PTPRK: variants seen among roughly 807,000 people sequenced by gnomAD.
The protein encoded by PTPRK is protein tyrosine phosphatase receptor type K, also known as receptor-type tyrosine-protein phosphatase kappa.
A neutral mutation model predicts 178.0 loss-of-function variants in PTPRK; 75 were observed. The ratio of observed to expected loss-of-function variants is 0.42; its 90% confidence interval spans 0.35 to 0.51. The LOEUF (loss-of-function observed/expected upper bound fraction) is 0.51. PTPRK is among the 20% of genes least tolerant of loss of function. The pLI is 0.02. For missense variants in PTPRK, 1,441 were observed against 1,797.8 expected, an observed-to-expected ratio of 0.80 and a Z score of 3.59; for synonymous variants, 637 against 620.6, an observed-to-expected ratio of 1.03 and a Z score of -0.39.
intron 1 of PTPRK, among the ~76,000 whole-genome samples, chr6:128,429,697 C>T (rs545056746): frequency 3.4e-4 from 52 of 152,214 alleles, no homozygotes; most frequent in African/African-American, 1.2e-3. Flanking sequence ...TTTAAAGGGG[C>T]ATTTCTGTTT....
intron 6 of PTPRK, among the ~76,000 whole-genome samples, chr6:128,211,735 A>G (rs141254980): frequency 0.014 from 2,154 of 152,240 alleles, 20 homozygotes; most frequent in African/African-American, 0.03. Context: ...TAACTGCAAG[A>G]CTAAACACAA....
intron 1 of PTPRK, among the ~76,000 whole-genome samples, chr6:128,499,665 C>T (rs748659175): frequency 3.3e-5 from 5 of 152,164 alleles, no homozygotes; most frequent in Admixed American, 1.3e-4. Context: ...TAGTAACTTT[C>T]CCATATTTTT....
chr6:128,426,789 GT>G (rs1362237329), intron 1 of PTPRK, among the ~76,000 whole-genome samples: 2 of 151,958 alleles, frequency 1.3e-5, no homozygotes, highest in African/African-American at 2.4e-5. Flanking sequence ...GACTTACAAA[GT>G]TTTTTTTCTT....
At chr6:128,187,263 C>A (rs779052360) in intron 6 of PTPRK, among the ~76,000 whole-genome samples, 99 of 151,846 alleles carry the variant, frequency 6.5e-4, no homozygotes, top group Non-Finnish European at 1.2e-3. Context: ...ACATAAGAAA[C>A]AAGTGAAAGA....
At chr6:127,998,412 A>G (rs1777414582) in intron 16 of PTPRK, among the ~76,000 whole-genome samples, 1 of 152,088 alleles carries the variant, frequency 6.6e-6, no homozygotes, top group African/African-American at 2.4e-5. Flanking sequence ...GTGTATTGCT[A>G]CTTGATTTTT....
chr6:128,046,003 C>A (rs1777975313), intron 13 of PTPRK, among the ~76,000 whole-genome samples: 1 of 151,958 alleles, frequency 6.6e-6, no homozygotes, highest in South Asian at 2.1e-4. Flanking sequence ...TTTTTTAGTA[C>A]CTTTATATTG....
intron 7 of PTPRK, among the ~76,000 whole-genome samples, chr6:128,124,629 T>C (rs930153001): frequency 6.6e-6 from 1 of 152,156 alleles, no homozygotes; most frequent in East Asian, 1.9e-4. Flanking sequence ...CACTGATCCC[T>C]TTATCTTCTG....
At chr6:128,397,775 T>A in intron 1 of PTPRK, 87 bp from the exon 2 acceptor site, 2 of 1,258,212 alleles carry the variant, frequency 1.6e-6, no homozygotes, top group Non-Finnish European at 1.1e-6. Context: ...TATATTGATA[T>A]ATATAATGTT....
At chr6:128,158,749 C>T (rs1280535534) in intron 7 of PTPRK, among the ~76,000 whole-genome samples, 2 of 151,970 alleles carry the variant, frequency 1.3e-5, no homozygotes, top group African/African-American at 4.8e-5. Flanking sequence ...CAAACCATAT[C>T]TGCACAGTGG....
intron 13 of PTPRK, among the ~76,000 whole-genome samples, chr6:128,055,152 G>T (rs750419244): frequency 2.6e-5 from 4 of 152,056 alleles, no homozygotes; most frequent in Admixed American, 1.3e-4. Flanking sequence ...AGTCAAATTT[G>T]ATCATTATCT....
intron 7 of PTPRK, among the ~76,000 whole-genome samples, chr6:128,092,665 C>T (rs1349402691): frequency 2.0e-5 from 3 of 152,102 alleles, no homozygotes; most frequent in African/African-American, 7.2e-5. Flanking sequence ...TAACTATATG[C>T]ACATGCATTT....
intron 3 of PTPRK, among the ~76,000 whole-genome samples, chr6:128,256,446 ATTT>A (rs528110195): frequency 1.4e-5 from 2 of 142,538 alleles, no homozygotes; most frequent in Non-Finnish European, 3.1e-5. Flanking sequence ...TATGTTCTTC[ATTT>A]TTTTTTTTTT....
chr6:128,510,992 G>T (rs1857096788), intron 1 of PTPRK, among the ~76,000 whole-genome samples: 1 of 152,054 alleles, frequency 6.6e-6, no homozygotes, highest in South Asian at 2.1e-4. Flanking sequence ...AAATGAAGGG[G>T]TCATTAATTT....
At chr6:128,410,948 G>A (rs891468538) in intron 1 of PTPRK, among the ~76,000 whole-genome samples, 2 of 152,202 alleles carry the variant, frequency 1.3e-5, no homozygotes, top group Admixed American at 6.5e-5. Flanking sequence ...CTGAAGTGCA[G>A]TGGCACGATC....
At chr6:128,442,576 T>C (rs982312322) in intron 1 of PTPRK, among the ~76,000 whole-genome samples, 1 of 152,164 alleles carries the variant, frequency 6.6e-6, no homozygotes, top group African/African-American at 2.4e-5. Context: ...TATACCTAAT[T>C]ATTTCTGGCC....
At chr6:127,985,587 G>GT in intron 22 of PTPRK, 134 bp downstream of exon 22, 1 of 1,020,392 alleles carries the variant, frequency 9.8e-7, no homozygotes, top group Non-Finnish European at 1.4e-6. Flanking sequence ...TTTTATTGCT[G>GT]TTTTACTTTA....
chr6:128,106,199 G>A (rs939288521), intron 7 of PTPRK, among the ~76,000 whole-genome samples: 2 of 152,150 alleles, frequency 1.3e-5, no homozygotes, highest in African/African-American at 4.8e-5. Flanking sequence ...CAAACTTTAT[G>A]AATAAAATGT....
chr6:128,401,697 A>G (rs144117326), intron 1 of PTPRK, among the ~76,000 whole-genome samples: 1 of 152,334 alleles, frequency 6.6e-6, no homozygotes, highest in African/African-American at 2.4e-5. Flanking sequence ...AAACAAATAG[A>G]ATTATCTTTC....
intron 2 of PTPRK, among the ~76,000 whole-genome samples, chr6:128,377,784 GA>G (rs372505286): frequency 0.029 from 4,186 of 146,254 alleles, 157 homozygotes; most frequent in African/African-American, 0.092. Flanking sequence ...AAAATAAATG[GA>G]AAAAAAAAAT....
Sources: allele counts gnomAD v4.1 joint callset (sites outside exome capture counted in the v4.1 genomes callset), GRCh38; gene constraint gnomAD v4.1.1; transcripts MANE v1.5; gene names NCBI Gene and HGNC (gene_info 2026-07-23, HGNC 2026-07-21).